The following HADHA variants were observed in gnomAD, a reference collection of about 807,000 sequenced individuals.
HADHA encodes hydroxyacyl-CoA dehydrogenase trifunctional multienzyme complex subunit alpha.
HADHA carries 59 observed loss-of-function variants against 91.3 expected under a neutral mutation model. The ratio of observed to expected loss-of-function variants is 0.65; its 90% confidence interval spans 0.52 to 0.80. The LOEUF (loss-of-function observed/expected upper bound fraction) is 0.80. HADHA is among the 30% of genes least tolerant of loss of function. The pLI is 0.00. For missense variants in HADHA, 800 were observed against 927.6 expected, an observed-to-expected ratio of 0.86 and a Z score of 1.79; for synonymous variants, 320 against 338.9, an observed-to-expected ratio of 0.94 and a Z score of 0.61.
chr2:26,236,380 C>CTGTGTG lies in HADHA; in HGVS notation c.314+469_314+474dup, dbSNP rs201544302. 1.9e-3 allele frequency among the ~76,000 whole-genome samples: 213 copies of CTGTGTG among 111,064 alleles called. 3 individuals carry two copies. Among genetic ancestry groups the CTGTGTG allele is most frequent in the East Asian group, 7.9e-3 (31 of 3,926 alleles). 72.9% of individuals were successfully genotyped at this position (111,064 alleles called of 152,430 possible). On this transcript the variant is annotated intron_variant, in intron 4 of 19. Coordinates refer to ENST00000380649, the MANE Select transcript of HADHA (RefSeq NM_000182.5). ...GTGTGTATATATATATATATATACT[C>CTGTGTG]TGTGTGTGTGTGTGTGTGTGTGTGT...
chr2:26,197,076 C>G (rs1004432935), intron 14 of HADHA, among the ~76,000 whole-genome samples: 7 of 152,224 alleles, frequency 4.6e-5, no homozygotes, highest in African/African-American at 9.6e-5. Flanking sequence ...ATAATTCCTG[C>G]CTACCTTCGG....
chr2:26,233,412 T>C (rs1248983053), intron 5 of HADHA, among the ~76,000 whole-genome samples: 1 of 152,276 alleles, frequency 6.6e-6, no homozygotes. Flanking sequence ...TGACTGCATA[T>C]GTGAAAGTGT....
chr2:26,198,380 G>C (rs13399742), intron 13 of HADHA, among the ~76,000 whole-genome samples: 2 of 117,430 alleles, frequency 1.7e-5, no homozygotes, highest in African/African-American at 6.5e-5. Context: ...TTTTTTTTTT[G>C]TTTTTTTTTT....
chr2:26,199,001 TCTC>T (rs1156559907), intron 13 of HADHA, among the ~76,000 whole-genome samples: 1 of 152,068 alleles, frequency 6.6e-6, no homozygotes, highest in East Asian at 1.9e-4. Context: ...TTCAAGCAAT[TCTC>T]CTGCCTCAGC....
At chr2:26,216,925 G>A (rs868348773) in intron 7 of HADHA, among the ~76,000 whole-genome samples, 2 of 152,130 alleles carry the variant, frequency 1.3e-5, no homozygotes, top group Non-Finnish European at 2.9e-5. Flanking sequence ...AGCAAGGAAA[G>A]AATGACCCAT....
chr2:26,227,814 A>T (rs990370622), intron 7 of HADHA, among the ~76,000 whole-genome samples: 6 of 147,166 alleles, frequency 4.1e-5, no homozygotes. Flanking sequence ...TCATCTCTAA[A>T]TTTTTTTTTT....
At chr2:26,233,898 T>G (rs1008623569) in intron 5 of HADHA, among the ~76,000 whole-genome samples, 2 of 152,102 alleles carry the variant, frequency 1.3e-5, no homozygotes, top group African/African-American at 2.4e-5. Context: ...CTGGCCAACA[T>G]GGTGAAACCC....
At chr2:26,232,769 G>T (rs752125723) in intron 5 of HADHA, among the ~76,000 whole-genome samples, 11 of 152,146 alleles carry the variant, frequency 7.2e-5, no homozygotes, top group Non-Finnish European at 1.5e-4. Context: ...TAATGAGGGG[G>T]ATATGTTCTG....
chr2:26,239,833 G>A (rs1380136586), intron 1 of HADHA, among the ~76,000 whole-genome samples: 1 of 152,132 alleles, frequency 6.6e-6, no homozygotes, highest in African/African-American at 2.4e-5. Flanking sequence ...CCGACTTAGT[G>A]CAAAGGCAAA....
In HADHA at chr2:26,201,324, G is replaced by GA. The variant is rs1558318370; in HGVS notation, c.1221-5dup. On this transcript the variant is annotated splice_polypyrimidine_tract_variant and splice_region_variant and intron_variant, in intron 12 of 19. Transcript: ENST00000380649. Reference sequence around the variant, plus strand: ...CTTCTTCACTTTGTCATTCAATCTAGAAAAAACACATTCCTAGTTAGATGG... The same window carrying GA: ...CTTCTTCACTTTGTCATTCAATCTAGAAAAAAACACATTCCTAGTTAGATGG... 1 of 1,594,482 alleles carries GA rather than the reference G, an allele frequency of 6.3e-7. No individual in the cohort carries two copies. The highest frequency in any genetic ancestry group is 8.6e-7 in the Non-Finnish European group (1 of 1,162,312).
In HADHA at chr2:26,238,970, A is replaced by G. The variant is rs774950626; in HGVS notation, c.144T>C (p.Asp48=). 2 of 1,609,750 alleles carry G rather than the reference A, an allele frequency of 1.2e-6. No homozygotes were observed. The highest frequency in any genetic ancestry group is 2.7e-5 in the African/African-American group (2 of 74,850). Residue 48 remains aspartate (D), a synonymous_variant, in exon 3 of 20, where the codon GAT becomes GAC. Transcript: ENST00000380649. ...GAGAGTTAATTCGAACAACTGCCAC[A>G]TCCCCTTTGACTCCATAGTTAATAT... ...RTHINYGVKG[D]VAVVRINSPN... is the part of the protein sequence containing the mutation.
intron 3 of HADHA, among the ~76,000 whole-genome samples, chr2:26,237,757 T>C (rs1670795911): frequency 6.6e-6 from 1 of 152,252 alleles, no homozygotes; most frequent in African/African-American, 2.4e-5. Flanking sequence ...TATGAATGTT[T>C]ATTATTTTCT....
Position 26,232,279 on chromosome 2 carries a change from C to T in HADHA, c.454G>A (p.Val152Ile). Residue 152 changes from valine (V) to isoleucine (I), a missense_variant and splice_region_variant, in exon 6 of 20, where the codon GTT (valine) becomes ATT (isoleucine). By Grantham distance (29) the Val-to-Ile change is conservative. Transcript: ENST00000380649. ...NGSCLGGGLE[V>I]AISCQYRIAT... ...ATTCTGTATTGGCATGAAATGGCAACCTTTGAACAAATGAAAGAAAATTAG... is the reference window on the plus strand; with the variant it reads ...ATTCTGTATTGGCATGAAATGGCAATCTTTGAACAAATGAAAGAAAATTAG... 6.3e-7 allele frequency: 1 copy of T among 1,595,318 alleles called. No homozygotes were observed. The highest frequency in any genetic ancestry group is 1.1e-5 in the South Asian group (1 of 90,620).
chr2:26,220,181 G>A (rs534340644), intron 7 of HADHA, among the ~76,000 whole-genome samples: 52 of 152,310 alleles, frequency 3.4e-4, no homozygotes, highest in African/African-American at 1.2e-3. Flanking sequence ...GAAGTCAAGT[G>A]ATCAATGGAG....
chr2:26,210,396 A>C lies in HADHA; in HGVS notation c.976-507T>G, dbSNP rs961456371. The C allele has an allele frequency of 6.0e-6, 1 of 166,816 alleles. No homozygotes were observed. The highest frequency in any genetic ancestry group is 2.4e-5 in the African/African-American group (1 of 41,530). 10.3% of individuals were successfully genotyped at this position (166,816 alleles called of 1,614,324 possible). On this transcript the variant is annotated intron_variant, in intron 10 of 19. Coordinates refer to ENST00000380649, the MANE Select transcript of HADHA (RefSeq NM_000182.5). This position sits in a 1 kb window ranked among gnomAD's most constrained non-coding sequence, Gnocchi z 4.0. ...AGTCTCGCACTGTCACCCAGGCTGG[A>C]GTGCAGTGGCACGATCTCGGCTCAC...
intron 9 of HADHA, 35 bp from the exon 10 acceptor site, chr2:26,212,661 A>T: frequency 1.4e-6 from 2 of 1,419,960 alleles, no homozygotes; most frequent in Non-Finnish European, 2.0e-6. Flanking sequence ...TCAGCGTTGG[A>T]ATAGATTGGC....
intron 10 of HADHA, 45 bp downstream of exon 10, chr2:26,212,525 T>A: frequency 8.1e-7 from 1 of 1,230,186 alleles, no homozygotes; most frequent in Non-Finnish European, 1.2e-6. Context: ...GGATCTTTAG[T>A]TTTCCTTTAA....
At chr2:26,209,940 T>C (rs754683307) in intron 10 of HADHA, 51 bp from the exon 11 acceptor site, 2 of 946,388 alleles carry the variant, frequency 2.1e-6, no homozygotes, top group East Asian at 2.4e-5. Flanking sequence ...GTCTAGGTTA[T>C]ATGGATTCCT....
intron 13 of HADHA, among the ~76,000 whole-genome samples, chr2:26,200,741 T>C (rs1409008343): frequency 1.3e-5 from 2 of 152,136 alleles, no homozygotes; most frequent in African/African-American, 4.8e-5. Flanking sequence ...AAGTCTTTTT[T>C]TTTTTTTTGG....
Sources: gnomAD v4.1 joint callset for allele counts (sites outside exome capture counted in the v4.1 genomes callset) on GRCh38, gnomAD v4.1.1 for gene constraint, Gnocchi (gnomAD v3.1) non-coding constraint, MANE v1.5 for transcripts, NCBI Gene and HGNC (gene_info 2026-07-23, HGNC 2026-07-21) for gene names.